Variants in ASAP1 observed in about 807,000 individuals in gnomAD.
The protein encoded by ASAP1 is ArfGAP with SH3 domain, ankyrin repeat and PH domain 1.
In ASAP1, 43 loss-of-function variants were observed where a neutral mutation model predicts 145.2. The observed-to-expected ratio is 0.30, with a 90% CI of 0.23 to 0.38. The LOEUF (loss-of-function observed/expected upper bound fraction) is 0.38, where lower values mean the gene tolerates loss of function less well. ASAP1 is among the 10% of genes least tolerant of loss of function. The probability of loss-of-function intolerance (pLI) is 1.00; values close to 1 mark genes in which losing one functional copy is unlikely to be tolerated. For synonymous variants in ASAP1, 546 were observed against 515.5 expected (o/e 1.06, Z -0.80); for missense variants, 1,018 against 1,355.3 (o/e 0.75, Z 3.91).
At chr8:130,369,220 T>A (rs191116023) in intron 2 of ASAP1, among the ~76,000 whole-genome samples, 3 of 152,320 alleles carry the variant, frequency 2.0e-5, no homozygotes, top group East Asian at 3.9e-4. Context: ...AATGTTTACA[T>A]ATACATAATG....
At chr8:130,363,089 G>A (rs1218599101) in intron 2 of ASAP1, among the ~76,000 whole-genome samples, 1 of 152,156 alleles carries the variant, frequency 6.6e-6, no homozygotes, top group African/African-American at 2.4e-5. Flanking sequence ...TAAAATGGGG[G>A]CAATGACAAC....
chr8:130,308,313 A>C (rs1476638307), intron 3 of ASAP1, among the ~76,000 whole-genome samples: 1 of 152,234 alleles, frequency 6.6e-6, no homozygotes, highest in Admixed American at 6.5e-5. Flanking sequence ...GTTATGATCA[A>C]AATAAGAAAC....
In ASAP1 at chr8:130,283,869, G is replaced by C. The variant is rs192818102; in HGVS notation, c.187-46875C>G. On this transcript the variant is annotated intron_variant, in intron 3 of 29. Coordinates refer to ENST00000518721, the MANE Select transcript of ASAP1 (RefSeq NM_018482.4). ...CATGATAATGTCCAATGAAGGGTAA[G>C]GGCCTAAAAAAATGGTGCCATTTCA... Among the ~76,000 whole-genome samples the C allele has an allele frequency of 1.4e-3, 215 of 152,250 alleles. 1 individual carries two copies. The highest frequency in any genetic ancestry group is 4.5e-3 in the African/African-American group (187 of 41,536).
At chr8:130,271,256 A>C (rs1820567675) in intron 3 of ASAP1, among the ~76,000 whole-genome samples, 1 of 152,252 alleles carries the variant, frequency 6.6e-6, no homozygotes, top group African/African-American at 2.4e-5. Flanking sequence ...ATGATGCTTC[A>C]GCACGTGTCA....
At chr8:130,403,839 C>T (rs772395975) in intron 1 of ASAP1, among the ~76,000 whole-genome samples, 10 of 152,144 alleles carry the variant, frequency 6.6e-5, no homozygotes, top group Non-Finnish European at 1.0e-4. Flanking sequence ...CAGGTGTGAG[C>T]CTCTGTGCCC....
chr8:130,149,954 C>A (rs1303062607), intron 13 of ASAP1, among the ~76,000 whole-genome samples: 1 of 152,172 alleles, frequency 6.6e-6, no homozygotes, highest in Admixed American at 6.6e-5. Context: ...TCCCTCCAGG[C>A]TGCTCTGGGG....
At chr8:130,396,232 T>C (rs758350157) in intron 2 of ASAP1, among the ~76,000 whole-genome samples, 2 of 152,230 alleles carry the variant, frequency 1.3e-5, no homozygotes, top group Non-Finnish European at 2.9e-5. Context: ...TCAGGAAACA[T>C]TTGTAGAATG....
chr8:130,424,783 G>A (rs974227131), intron 1 of ASAP1, among the ~76,000 whole-genome samples: 2 of 152,022 alleles, frequency 1.3e-5, no homozygotes, highest in Admixed American at 1.3e-4. Flanking sequence ...CACGAGGTCA[G>A]GAGATCAAGA....
chr8:130,054,834 T>C (rs770574991), intron 29 of ASAP1, 29 bp from the exon 30 acceptor site: 1 of 1,597,412 alleles, frequency 6.3e-7, no homozygotes, highest in African/African-American at 1.3e-5. Flanking sequence ...GTGGTCAGGA[T>C]GGAGGCAGCA....
At chr8:130,385,678 A>G (rs549686465) in intron 2 of ASAP1, among the ~76,000 whole-genome samples, 17 of 152,252 alleles carry the variant, frequency 1.1e-4, no homozygotes, top group African/African-American at 4.1e-4. Context: ...GAGAGTCAGG[A>G]GCTTCTCTTC....
At chr8:130,301,508 T>C (rs1822660852) in intron 3 of ASAP1, among the ~76,000 whole-genome samples, 1 of 152,214 alleles carries the variant, frequency 6.6e-6, no homozygotes, top group South Asian at 2.1e-4. Context: ...TATATAGTGG[T>C]TGAATGAATG....
At chr8:130,313,886 G>C (rs1353161594) in intron 3 of ASAP1, among the ~76,000 whole-genome samples, 1 of 152,078 alleles carries the variant, frequency 6.6e-6, no homozygotes, top group Admixed American at 6.5e-5. Flanking sequence ...CACTGCACTC[G>C]ACACCACGTC....
chr8:130,074,482 C>G (rs987706667), intron 27 of ASAP1, among the ~76,000 whole-genome samples: 20 of 142,322 alleles, frequency 1.4e-4, no homozygotes, highest in South Asian at 4.5e-4. Flanking sequence ...CACACACACA[C>G]ACACAGAGAG....
At chr8:130,171,439 GAAT>G (rs71302399) in intron 9 of ASAP1, among the ~76,000 whole-genome samples, 8,056 of 152,250 alleles carry the variant, frequency 0.053, 249 homozygotes, top group Admixed American at 0.095. Flanking sequence ...GCAGGAGAGA[GAAT>G]AATGCCAGCA....
At chr8:130,379,682 G>C (rs1827676598) in intron 2 of ASAP1, among the ~76,000 whole-genome samples, 1 of 152,222 alleles carries the variant, frequency 6.6e-6, no homozygotes, top group South Asian at 2.1e-4. Context: ...GTGTCAGAAA[G>C]AAGACATTGC....
intron 3 of ASAP1, among the ~76,000 whole-genome samples, chr8:130,349,351 G>A (rs1278930342): frequency 6.6e-6 from 1 of 152,122 alleles, no homozygotes; most frequent in East Asian, 1.9e-4. Flanking sequence ...AGTCTACCAA[G>A]TCTCATCTTC....
chr8:130,356,684 C>T (rs1020664855), intron 3 of ASAP1, among the ~76,000 whole-genome samples: 1 of 152,188 alleles, frequency 6.6e-6, no homozygotes, highest in African/African-American at 2.4e-5. Context: ...GCCGGAATGA[C>T]ACATTCAGTC....
intron 3 of ASAP1, among the ~76,000 whole-genome samples, chr8:130,256,951 T>C (rs2136932631): frequency 6.6e-6 from 1 of 151,662 alleles, no homozygotes; most frequent in South Asian, 2.1e-4. Flanking sequence ...TCCCAACATT[T>C]AAAAAATGGA....
At chr8:130,184,954 T>C (rs998767030) in intron 7 of ASAP1, among the ~76,000 whole-genome samples, 2 of 152,204 alleles carry the variant, frequency 1.3e-5, no homozygotes, top group Non-Finnish European at 2.9e-5. Context: ...CTGGTAATGA[T>C]TTCTAAGTCT....
Sources: allele counts gnomAD v4.1 joint callset (sites outside exome capture counted in the v4.1 genomes callset), GRCh38; gene constraint gnomAD v4.1.1; transcripts MANE v1.5; gene names NCBI Gene and HGNC (gene_info 2026-07-23, HGNC 2026-07-21).